NSUN6: variants seen among roughly 807,000 people sequenced by gnomAD.
The protein encoded by NSUN6 is NOP2/Sun RNA methyltransferase 6.
A neutral mutation model predicts 58.0 loss-of-function variants in NSUN6; 64 were observed. The observed-to-expected ratio is 1.10, with a 90% CI of 0.90 to 1.36. NSUN6 has a LOEUF of 1.36. NSUN6 is among the 40% of genes most tolerant of loss of function. The pLI, the probability that NSUN6 is intolerant of heterozygous loss-of-function variation, is 0.00. For missense variants in NSUN6, 701 were observed against 550.1 expected (o/e 1.27, Z -2.74); for synonymous variants, 231 against 193.9 (o/e 1.19, Z -1.59).
chr10:18,627,709 T>G (rs571757183), intron 3 of NSUN6, among the ~76,000 whole-genome samples: 244 of 152,360 alleles, frequency 1.6e-3, no homozygotes, highest in Non-Finnish European at 3.1e-3. Flanking sequence ...CCGATTGGCT[T>G]AAAAACCGGA....
At chr10:18,633,712 T>C (rs1426361971) in intron 3 of NSUN6, among the ~76,000 whole-genome samples, 1 of 152,162 alleles carries the variant, frequency 6.6e-6, no homozygotes, top group African/African-American at 2.4e-5. Flanking sequence ...AAGAAATAGA[T>C]TGTCAGAAAT....
At chr10:18,658,019 T>C (rs1162797484), upstream of NSUN6, among the ~76,000 whole-genome samples, 1 of 150,460 alleles carries the variant, frequency 6.6e-6, no homozygotes, top group African/African-American at 2.4e-5. Context: ...TTTACATCCA[T>C]GTCTAACAAT....
At chr10:18,576,935 C>T (rs1308779870) in intron 8 of NSUN6, among the ~76,000 whole-genome samples, 1 of 152,108 alleles carries the variant, frequency 6.6e-6, no homozygotes, top group Non-Finnish European at 1.5e-5. Flanking sequence ...CCTTATGGGT[C>T]CTTCAACTCT....
intron 2 of NSUN6, among the ~76,000 whole-genome samples, chr10:18,645,157 CAAAAAA>C (rs71402191): frequency 9.4e-6 from 1 of 106,302 alleles, no homozygotes. Context: ...GACTCCCTCT[CAAAAAA>C]AAAAAAAAAA....
chr10:18,558,141 TAGAATGGAATGA>T (rs751468541), intron 8 of NSUN6, among the ~76,000 whole-genome samples: 69 of 145,100 alleles, frequency 4.8e-4, no homozygotes, highest in South Asian at 2.2e-3. Context: ...GGAATGCGAA[TAGAATGGAATGA>T]AGAATGGAAT....
At chr10:18,630,257 A>G (rs1329240362) in intron 3 of NSUN6, among the ~76,000 whole-genome samples, 10 of 149,972 alleles carry the variant, frequency 6.7e-5, no homozygotes, top group South Asian at 2.2e-4. Flanking sequence ...TCAAAGCAGT[A>G]TGTAGAGGGA....
chr10:18,598,107 C>T (rs2057665523), intron 6 of NSUN6, among the ~76,000 whole-genome samples: 1 of 152,200 alleles, frequency 6.6e-6, no homozygotes, highest in Non-Finnish European at 1.5e-5. Flanking sequence ...TGATTTGTTT[C>T]TGCCCCACTC....
At chr10:18,573,556 G>A (rs557660108) in intron 8 of NSUN6, among the ~76,000 whole-genome samples, 7 of 151,252 alleles carry the variant, frequency 4.6e-5, no homozygotes, top group African/African-American at 1.7e-4. Flanking sequence ...AGTCTTTTTG[G>A]CCAAATTTTA....
At chr10:18,590,573 A>T (rs182258708) in intron 7 of NSUN6, among the ~76,000 whole-genome samples, 10 of 152,356 alleles carry the variant, frequency 6.6e-5, no homozygotes, top group Non-Finnish European at 1.3e-4. Context: ...ACCACAGTGC[A>T]ATCAAATTAG....
upstream of NSUN6, chr10:18,652,386 A>T: frequency 1.0e-6 from 1 of 984,006 alleles, no homozygotes; most frequent in East Asian, 1.1e-4. Context: ...ACACATAAGT[A>T]TAGGAAAGGG....
intron 6 of NSUN6, among the ~76,000 whole-genome samples, chr10:18,603,337 C>G (rs1244393894): frequency 6.6e-6 from 1 of 152,164 alleles, no homozygotes; most frequent in Non-Finnish European, 1.5e-5. Context: ...TGAGTGCTTA[C>G]TATGTATCAG....
chr10:18,568,844 T>C (rs1348734376), intron 8 of NSUN6, among the ~76,000 whole-genome samples: 1 of 58,222 alleles, frequency 1.7e-5, no homozygotes, highest in African/African-American at 7.2e-5. Flanking sequence ...CTCTATTCCA[T>C]TCTACATTCA....
intron 3 of NSUN6, among the ~76,000 whole-genome samples, chr10:18,632,477 A>G (rs928134481): frequency 6.7e-6 from 1 of 148,928 alleles, no homozygotes. Flanking sequence ...CAACCTACAA[A>G]ATGGGAGAAA....
At chr10:18,603,431 C>T (rs933641502) in intron 6 of NSUN6, among the ~76,000 whole-genome samples, 3 of 152,048 alleles carry the variant, frequency 2.0e-5, no homozygotes, top group African/African-American at 7.2e-5. Context: ...GGTGCAAGAA[C>T]AGCACTCCTG....
At chr10:18,624,398 G>A (rs2058713548) in intron 3 of NSUN6, among the ~76,000 whole-genome samples, 1 of 151,950 alleles carries the variant, frequency 6.6e-6, no homozygotes, top group African/African-American at 2.4e-5. Flanking sequence ...CAAATGGGCT[G>A]GGTGCGGTGG....
At chr10:18,655,770 C>A (rs1220524932), upstream of NSUN6, among the ~76,000 whole-genome samples, 1 of 151,710 alleles carries the variant, frequency 6.6e-6, no homozygotes, top group Non-Finnish European at 1.5e-5. Context: ...ACCATGACTG[C>A]CACACTGAGC....
At chr10:18,612,918 G>T (rs550522510) in intron 5 of NSUN6, among the ~76,000 whole-genome samples, 4 of 152,176 alleles carry the variant, frequency 2.6e-5, no homozygotes, top group African/African-American at 7.2e-5. Context: ...GAAAGCAAAG[G>T]ACTCAAATTC....
intron 5 of NSUN6, among the ~76,000 whole-genome samples, chr10:18,612,585 G>A (rs1400006609): frequency 1.3e-5 from 2 of 152,090 alleles, no homozygotes; most frequent in African/African-American, 4.8e-5. Flanking sequence ...AAAAAATACT[G>A]AAACTTGAAA....
chr10:18,611,453 A>G (rs2058232562), intron 5 of NSUN6, among the ~76,000 whole-genome samples: 1 of 152,118 alleles, frequency 6.6e-6, no homozygotes, highest in Admixed American at 6.6e-5. Flanking sequence ...TCTTTAGAGT[A>G]AAATAACGTC....
Sources: gnomAD v4.1 joint callset for allele counts (sites outside exome capture counted in the v4.1 genomes callset) on GRCh38, gnomAD v4.1.1 for gene constraint, MANE v1.5 for transcripts, NCBI Gene and HGNC (gene_info 2026-07-23, HGNC 2026-07-21) for gene names.